The following ADRA1B variants were observed in gnomAD, a reference collection of about 807,000 sequenced individuals.
The protein encoded by ADRA1B is alpha-1B adrenergic receptor.
A neutral mutation model predicts 17.9 loss-of-function variants in ADRA1B; 17 were observed. That is an observed-to-expected ratio of 0.95 (90% confidence interval 0.65 to 1.42). ADRA1B has a LOEUF of 1.42. ADRA1B is among the 40% of genes most tolerant of loss of function. The probability of loss-of-function intolerance (pLI) is 0.00; values close to 1 mark genes in which losing one functional copy is unlikely to be tolerated. For synonymous variants in ADRA1B, 366 were observed against 327.6 expected (o/e 1.12, Z -1.27); for missense variants, 681 against 722.1 (o/e 0.94, Z 0.65).
the ADRA1B span, among the ~76,000 whole-genome samples, chr5:159,979,129 C>G: frequency 6.6e-6 from 1 of 151,842 alleles, no homozygotes; most frequent in Admixed American, 6.6e-5. Context: ...ACTTTGAGAC[C>G]AGCCTGGGCA....
intron 1 of ADRA1B, among the ~76,000 whole-genome samples, chr5:159,880,394 C>T (rs1753850425): frequency 6.6e-6 from 1 of 152,194 alleles, no homozygotes; most frequent in Non-Finnish European, 1.5e-5. Context: ...AGTTTCCCAT[C>T]CCACTTTTCA....
At chr5:159,984,879 T>C in the ADRA1B span, among the ~76,000 whole-genome samples, 4 of 147,366 alleles carry the variant, frequency 2.7e-5, no homozygotes. Flanking sequence ...CACTCCAGCC[T>C]AGGCAAAAGA....
intron 1 of ADRA1B, among the ~76,000 whole-genome samples, chr5:159,943,108 A>C (rs1218921707): frequency 6.6e-6 from 1 of 152,036 alleles, no homozygotes; most frequent in Non-Finnish European, 1.5e-5. Context: ...GCTACTCGGG[A>C]GGCTGAGGCA....
chr5:159,953,423 C>G (rs1470392442), intron 1 of ADRA1B, among the ~76,000 whole-genome samples: 1 of 152,050 alleles, frequency 6.6e-6, no homozygotes, highest in Admixed American at 6.6e-5. Context: ...CCAAACTATC[C>G]CCACCACACA....
In ADRA1B at chr5:159,972,022, T is replaced by C; in HGVS notation, c.1093T>C (p.Cys365Arg). The change falls in exon 2 of 2, where the codon TGC (cysteine) becomes CGC (arginine). Residue 365 changes from cysteine (C) to arginine (R), a missense_variant. Cys to Arg is a radical substitution (Grantham distance 180). Transcript: ENST00000306675. ...GCGCGCTTTCGTGCGCATCCTCGGG[T>C]GCCAGTGCCGCGGCCGCGGCCGCCG... ...FKRAFVRILG[C>R]QCRGRGRRRR... 1 of 1,395,290 alleles carries C rather than the reference T, an allele frequency of 7.2e-7. No individual in the cohort carries two copies. The highest frequency in any genetic ancestry group is 9.4e-7 in the Non-Finnish European group (1 of 1,064,900). 86.4% of individuals were successfully genotyped at this position (1,395,290 alleles called of 1,614,324 possible).
chr5:159,935,021 A>AT (rs1405935521), intron 1 of ADRA1B, among the ~76,000 whole-genome samples: 1 of 152,212 alleles, frequency 6.6e-6, no homozygotes, highest in Non-Finnish European at 1.5e-5. Context: ...AACGTCAGCT[A>AT]TTAATATACA....
upstream of ADRA1B, among the ~76,000 whole-genome samples, chr5:159,911,673 G>C (rs766238968): frequency 6.6e-6 from 1 of 152,170 alleles, no homozygotes; most frequent in African/African-American, 2.4e-5. Context: ...TACCCAGAGG[G>C]AGCTGAAATT....
At chr5:159,951,459 T>A in intron 1 of ADRA1B, 1 of 731,522 alleles carries the variant, frequency 1.4e-6, no homozygotes, top group South Asian at 1.4e-5. Flanking sequence ...AGGTGCCCAA[T>A]ACATCCAAAT....
intron 1 of ADRA1B, among the ~76,000 whole-genome samples, chr5:159,935,013 C>T (rs997229393): frequency 2.0e-5 from 3 of 152,084 alleles, no homozygotes; most frequent in African/African-American, 7.2e-5. Context: ...ATTTCATAAA[C>T]GTCAGCTATT....
intron 1 of ADRA1B, chr5:159,868,557 G>A (rs976639932): frequency 1.3e-5 from 2 of 152,214 alleles, no homozygotes; most frequent in Admixed American, 6.5e-5. Context: ...ACCAGTTATG[G>A]TGAGAAACTA....
At chr5:159,969,604 T>C (rs373281290) in intron 1 of ADRA1B, among the ~76,000 whole-genome samples, 1 of 152,158 alleles carries the variant, frequency 6.6e-6, no homozygotes, top group East Asian at 1.9e-4. Context: ...GCTCTAAGAG[T>C]GTTGGCTCTT....
At chr5:159,941,236 G>A (rs1462760289) in intron 1 of ADRA1B, among the ~76,000 whole-genome samples, 5 of 152,194 alleles carry the variant, frequency 3.3e-5, no homozygotes, top group African/African-American at 7.2e-5. Flanking sequence ...AAACAGCTAC[G>A]TGTGGCTAGT....
chr5:159,961,779 T>A (rs1428340571), intron 1 of ADRA1B, among the ~76,000 whole-genome samples: 3 of 152,092 alleles, frequency 2.0e-5, no homozygotes, highest in Non-Finnish European at 4.4e-5. Flanking sequence ...AATCCCAGAG[T>A]CCCAGAATGT....
chr5:159,909,437 G>T (rs1288907079), intron 1 of ADRA1B, among the ~76,000 whole-genome samples: 1 of 152,208 alleles, frequency 6.6e-6, no homozygotes, highest in Non-Finnish European at 1.5e-5. Flanking sequence ...ACTTCCTTTA[G>T]ACTTTTCTGA....
intron 1 of ADRA1B, among the ~76,000 whole-genome samples, chr5:159,895,099 A>G (rs1289043219): frequency 1.3e-5 from 2 of 152,250 alleles, no homozygotes; most frequent in African/African-American, 4.8e-5. Context: ...TTTGTTCAGC[A>G]CTTGCCTCTG....
chr5:159,975,669 G>A (rs1755961166), downstream of ADRA1B, among the ~76,000 whole-genome samples: 1 of 152,186 alleles, frequency 6.6e-6, no homozygotes, highest in South Asian at 2.1e-4. Context: ...AGGAAGACTG[G>A]CCAAGTAGTG....
chr5:159,939,272 AGAGAGAGTGT>A (rs1467901120), intron 1 of ADRA1B, among the ~76,000 whole-genome samples: 19 of 76,346 alleles, frequency 2.5e-4, no homozygotes, highest in African/African-American at 5.8e-4. Context: ...AGAGAGAGAG[AGAGAGAGTGT>A]GTGTGTGTGT....
intron 1 of ADRA1B, among the ~76,000 whole-genome samples, chr5:159,941,172 T>TA (rs1755116158): frequency 6.6e-6 from 1 of 152,214 alleles, no homozygotes; most frequent in African/African-American, 2.4e-5. Flanking sequence ...ATATTTAAAT[T>TA]AATTAAAATT....
chr5:159,974,991 G>A (rs1755950331), downstream of ADRA1B, among the ~76,000 whole-genome samples: 1 of 152,080 alleles, frequency 6.6e-6, no homozygotes, highest in Non-Finnish European at 1.5e-5. Flanking sequence ...ATTCCCCTCT[G>A]CTACCATCCT....
Sources: allele counts gnomAD v4.1 joint callset (sites outside exome capture counted in the v4.1 genomes callset), GRCh38; gene constraint gnomAD v4.1.1; transcripts MANE v1.5; gene names NCBI Gene and HGNC (gene_info 2026-07-23, HGNC 2026-07-21).